Variants in PHC3 observed in about 807,000 individuals in gnomAD.
PHC3 encodes polyhomeotic homolog 3.
A neutral mutation model predicts 107.4 loss-of-function variants in PHC3; 13 were observed. That is an observed-to-expected ratio of 0.12 (90% CI 0.08 to 0.19). PHC3 has a LOEUF of 0.19. PHC3 is among the 10% of genes least tolerant of loss of function. The probability of loss-of-function intolerance (pLI) is 1.00; values close to 1 mark genes in which losing one functional copy is unlikely to be tolerated. For missense variants in PHC3, 992 were observed against 1,210.9 expected (o/e 0.82, Z 2.68); for synonymous variants, 456 against 427.4 (o/e 1.07, Z -0.83).
rs1047691238 is a variant in PHC3, at chr3:170,140,817, C to A, written c.673-4152G>T. Reference sequence around the variant, plus strand: ...TTCACCATGTTGGCCAGGCTACTCTCAAACTCCTGACCTCAAGTGATCTGC... The same window carrying A: ...TTCACCATGTTGGCCAGGCTACTCTAAAACTCCTGACCTCAAGTGATCTGC... On this transcript the variant is annotated intron_variant, in intron 6 of 14. Coordinates refer to ENST00000495893, the MANE Select transcript of PHC3 (RefSeq NM_024947.4). 5.3e-5 allele frequency among the ~76,000 whole-genome samples: 8 copies of A among 151,930 alleles called. No individual in the cohort carries two copies. The East Asian group carries it at 1.6e-3, about 30-fold the overall frequency.
chr3:170,125,088 T>C (rs1225912665), intron 8 of PHC3, among the ~76,000 whole-genome samples: 10 of 152,134 alleles, frequency 6.6e-5, no homozygotes, highest in African/African-American at 1.9e-4. Flanking sequence ...GTAGGCAACA[T>C]TTTTTAAAGT....
At chr3:170,137,862 C>A (rs1196999655) in intron 6 of PHC3, among the ~76,000 whole-genome samples, 1 of 152,164 alleles carries the variant, frequency 6.6e-6, no homozygotes, top group Non-Finnish European at 1.5e-5. Flanking sequence ...GGCACCACTG[C>A]ACTCCAGCCT....
rs1729533235 is a variant in PHC3 at position 170,171,247 on chromosome 3, G to A, written c.414+126C>T. The A allele has an allele frequency of 7.9e-6, 5 of 632,342 alleles. No homozygotes were observed. In the South Asian group the frequency reaches 1.1e-4, roughly 14 times the overall value. 39.2% of individuals were successfully genotyped at this position (632,342 alleles called of 1,614,324 possible). On this transcript the variant is annotated intron_variant, in intron 4 of 14. Transcript: ENST00000495893. ...TTGAATTTTATCATTTCTATTTCTG[G>A]GCAATTGTTACTTTAAACAGCATGC... is the stretch of plus-strand genomic sequence containing the variant.
At chr3:170,128,427 G>T in intron 8 of PHC3, 1 of 1,314,836 alleles carries the variant, frequency 7.6e-7, no homozygotes, top group Non-Finnish European at 1.0e-6. Context: ...ATAGCAGATG[G>T]ATTTGTTTAA....
At chr3:170,147,007 C>T (rs1454548905) in intron 5 of PHC3, among the ~76,000 whole-genome samples, 1 of 151,520 alleles carries the variant, frequency 6.6e-6, no homozygotes, top group Non-Finnish European at 1.5e-5. Flanking sequence ...ATTAGCCTCC[C>T]GAGCAGCTGG....
chr3:170,106,774 G>T, intron 12 of PHC3, 58 bp downstream of exon 12: 7 of 1,185,004 alleles, frequency 5.9e-6, no homozygotes, highest in South Asian at 3.1e-5. Context: ...AGGGTTTTTT[G>T]GTTTAGTTGC....
chr3:170,167,446 A>T (rs1728906002), intron 4 of PHC3, among the ~76,000 whole-genome samples: 1 of 152,222 alleles, frequency 6.6e-6, no homozygotes, highest in Non-Finnish European at 1.5e-5. Context: ...GATATGTTAA[A>T]TATATTTTCA....
chr3:170,113,954 C>T (rs1480518374), intron 10 of PHC3, among the ~76,000 whole-genome samples: 2 of 152,018 alleles, frequency 1.3e-5, no homozygotes, highest in African/African-American at 2.4e-5. Flanking sequence ...AAAAAGTCTA[C>T]TCAATTAAGC....
intron 4 of PHC3, among the ~76,000 whole-genome samples, chr3:170,163,478 GT>G (rs1200712253): frequency 1.3e-5 from 2 of 151,330 alleles, no homozygotes; most frequent in African/African-American, 4.9e-5. Context: ...GTGTGTGTGT[GT>G]GTGTGTGTGT....
intron 9 of PHC3, among the ~76,000 whole-genome samples, chr3:170,119,065 A>G (rs1719662460): frequency 6.6e-6 from 1 of 151,740 alleles, no homozygotes; most frequent in Non-Finnish European, 1.5e-5. Flanking sequence ...AGAAAAAGAA[A>G]AGAAAAGAAA....
intron 6 of PHC3, among the ~76,000 whole-genome samples, chr3:170,140,902 T>C (rs1249314556): frequency 3.3e-5 from 5 of 152,122 alleles, no homozygotes; most frequent in Admixed American, 3.3e-4. Context: ...CCGGCTCATC[T>C]CTTAACACAC....
chr3:170,179,062 G>A lies in PHC3; in HGVS notation c.15-124C>T, dbSNP rs1043683657. Reference sequence around the variant, plus strand: ...GCTAGGAAGGCTCTCATAAAAGACAGCCAACACACAGTCACTATAAGCACT... The same window carrying A: ...GCTAGGAAGGCTCTCATAAAAGACAACCAACACACAGTCACTATAAGCACT... On this transcript the variant is annotated intron_variant, in intron 1 of 14. Coordinates refer to ENST00000495893, the MANE Select transcript of PHC3 (RefSeq NM_024947.4). The A allele has an allele frequency of 9.0e-5, 79 of 878,518 alleles. No individual in the cohort carries two copies. In the South Asian group the frequency reaches 1.0e-3, roughly 11 times the overall value. 54.4% of individuals were successfully genotyped at this position (878,518 alleles called of 1,614,324 possible). A position where few individuals can be genotyped will look rare whatever the true frequency, so the allele number is the denominator to read the frequency against.
chr3:170,129,142 G>A lies in PHC3; in HGVS notation c.1330C>T (p.Pro444Ser). 6.2e-7 allele frequency: 1 copy of A among 1,613,798 alleles called. No homozygotes were observed. Among genetic ancestry groups the A allele is most frequent in the Non-Finnish European group, 8.5e-7 (1 of 1,179,792 alleles). The change falls in exon 8 of 15, where the codon CCA becomes TCA. Residue 444 changes from proline (P) to serine (S), a missense_variant. Transcript: ENST00000495893. Reference protein sequence around the residue: ...PHPLVSSALQPGPNLQQSTAN... With the variant: ...PHPLVSSALQSGPNLQQSTAN... ...GTGGACTGCTGCAAATTTGGCCCTG[G>A]CTGGAGAGCTGATGACACAAGAGGG...
chr3:170,104,639 A>G (rs1716122363), intron 12 of PHC3, among the ~76,000 whole-genome samples: 1 of 152,220 alleles, frequency 6.6e-6, no homozygotes, highest in African/African-American at 2.4e-5. Context: ...ATTGCTAACT[A>G]TTCTAGAACC....
intron 11 of PHC3, among the ~76,000 whole-genome samples, chr3:170,110,075 T>C (rs912118524): frequency 1.6e-4 from 25 of 152,180 alleles, no homozygotes; most frequent in Non-Finnish European, 3.4e-4. Flanking sequence ...CATATCCTGC[T>C]GATATGATAA....
chr3:170,173,290 CA>C (rs1342066556), intron 2 of PHC3, among the ~76,000 whole-genome samples: 4 of 151,830 alleles, frequency 2.6e-5, no homozygotes, highest in Admixed American at 2.0e-4. Context: ...CACCAGTAGT[CA>C]AAAACTTACA....
Position 170,117,542 on chromosome 3 carries a change from A to C in PHC3, c.1943-66T>G, listed in dbSNP as rs534850376. On this transcript the variant is annotated intron_variant, in intron 9 of 14. Transcript: ENST00000495893. ...CATTTTGCCCAAGCAAATGAAAGAG[A>C]ATTAAGGAATAAATAATAACAACAG... 2.0e-5 allele frequency: 29 copies of C among 1,479,770 alleles called. No homozygotes were observed. The South Asian group carries it at 3.8e-4, about 19-fold the overall frequency. The allele number at this position is 1,479,770 out of a possible 1,614,324, so 91.7% of individuals were successfully genotyped here.
At position 170,145,431 on chromosome 3, in the gene PHC3, C is replaced by T. The variant is rs1724783655; in HGVS notation, c.664G>A (p.Ala222Thr). ...SSSSSSCQSA[A>T]TQVQNLTLRS... ...AAGCTAGACAAGCTCACCTGAGTAGCTGCAGACTGACAGGAAGATGACGAT... is the reference window on the plus strand; with the variant it reads ...AAGCTAGACAAGCTCACCTGAGTAGTTGCAGACTGACAGGAAGATGACGAT... Residue 222 changes from alanine (A) to threonine (T), a missense_variant, in exon 6 of 15, where the codon GCT becomes ACT. Ala to Thr is a moderately conservative substitution (Grantham distance 58). Transcript: ENST00000495893. The T allele has an allele frequency of 1.9e-6, 3 of 1,613,078 alleles. No homozygotes were observed. The highest frequency in any genetic ancestry group is 2.5e-6 in the Non-Finnish European group (3 of 1,179,256).
At chr3:170,135,139 TTTTG>T (rs370687749) in intron 7 of PHC3, among the ~76,000 whole-genome samples, 2,852 of 151,982 alleles carry the variant, frequency 0.019, 95 homozygotes, top group African/African-American at 0.062. Context: ...AAAGGAAGTT[TTTTG>T]TTTGTTTGTT....
Sources: allele counts gnomAD v4.1 joint callset (sites outside exome capture counted in the v4.1 genomes callset), GRCh38; gene constraint gnomAD v4.1.1; transcripts MANE v1.5; gene names NCBI Gene and HGNC (gene_info 2026-07-23, HGNC 2026-07-21).